ROR1: variants seen among roughly 807,000 people sequenced by gnomAD.
The protein encoded by ROR1 is inactive tyrosine-protein kinase transmembrane receptor ROR1.
Under a neutral mutation model 78.8 loss-of-function variants are expected in ROR1, and 19 were observed. The ratio of observed to expected loss-of-function variants is 0.24; its 90% CI spans 0.17 to 0.35. The LOEUF is 0.35. ROR1 is among the 10% of genes least tolerant of loss of function. ROR1 has a pLI of 1.00. For synonymous variants in ROR1, 386 were observed against 433.6 expected, an observed-to-expected ratio of 0.89 and a Z score of 1.36; for missense variants, 917 against 1,177.8, an observed-to-expected ratio of 0.78 and a Z score of 3.24.
chr1:63,793,697 C>T (rs941236142), intron 1 of ROR1, among the ~76,000 whole-genome samples: 1 of 152,168 alleles, frequency 6.6e-6, no homozygotes. Context: ...CTCCCAGGAC[C>T]TCCAGAAAGA....
At chr1:64,062,210 G>T (rs1343908791) in intron 4 of ROR1, among the ~76,000 whole-genome samples, 4 of 152,212 alleles carry the variant, frequency 2.6e-5, no homozygotes, top group African/African-American at 9.6e-5. Flanking sequence ...GTGACTGCCT[G>T]TGTTTTGAAT....
At chr1:63,973,002 G>A (rs1338496597) in intron 1 of ROR1, among the ~76,000 whole-genome samples, 2 of 152,210 alleles carry the variant, frequency 1.3e-5, no homozygotes, top group African/African-American at 4.8e-5. Context: ...TGGTGCCCAC[G>A]CTTCTGAGGC....
intron 1 of ROR1, among the ~76,000 whole-genome samples, chr1:63,865,013 C>T (rs767398572): frequency 1.3e-5 from 2 of 151,972 alleles, no homozygotes; most frequent in Non-Finnish European, 2.9e-5. Flanking sequence ...CTTTCAAACC[C>T]CTGTAAAGAA....
chr1:63,931,110 C>G (rs1645749331), intron 1 of ROR1, among the ~76,000 whole-genome samples: 1 of 152,098 alleles, frequency 6.6e-6, no homozygotes, highest in Non-Finnish European at 1.5e-5. Flanking sequence ...AGCAAAACCC[C>G]ATCTCCACTA....
At chr1:63,951,601 T>C (rs1349532152) in intron 1 of ROR1, among the ~76,000 whole-genome samples, 1 of 152,104 alleles carries the variant, frequency 6.6e-6, no homozygotes, top group East Asian at 1.9e-4. Context: ...TGTGGGAGGA[T>C]TTCCCAGGGA....
chr1:63,816,116 C>G (rs991575530), intron 1 of ROR1, among the ~76,000 whole-genome samples: 20 of 152,220 alleles, frequency 1.3e-4, no homozygotes, highest in African/African-American at 4.3e-4. Context: ...GGCCGCTAGA[C>G]AGTCTTCCCA....
Position 64,178,798 on chromosome 1 carries a change from A to G in ROR1, c.2757A>G (p.Leu919=). 1 of 1,614,204 alleles carries G rather than the reference A, an allele frequency of 6.2e-7. No individual in the cohort carries two copies. Among genetic ancestry groups the G allele is most frequent in the Non-Finnish European group, 8.5e-7 (1 of 1,180,038 alleles). The change falls in exon 9 of 9, where the codon TTA becomes TTG. Residue 919 remains leucine, a synonymous_variant. Coordinates refer to ENST00000371079, the MANE Select transcript of ROR1 (RefSeq NM_005012.4). The surrounding 1 kb of genome is among the most constrained non-coding windows in gnomAD (Gnocchi z 4.3). ...PYKIDSKQAS[L]LGDANIHGHT... Reference sequence around the variant, plus strand: ...AAATTGACTCAAAGCAAGCATCTTTACTAGGAGACGCCAATATTCATGGAC... The same window carrying G: ...AAATTGACTCAAAGCAAGCATCTTTGCTAGGAGACGCCAATATTCATGGAC...
intron 4 of ROR1, among the ~76,000 whole-genome samples, chr1:64,091,290 A>G (rs1055768230): frequency 6.6e-6 from 1 of 152,178 alleles, no homozygotes; most frequent in African/African-American, 2.4e-5. Flanking sequence ...GTAGAAATAC[A>G]GATTGTGCCC....
At chr1:63,896,125 C>T (rs1645437460) in intron 1 of ROR1, among the ~76,000 whole-genome samples, 2 of 152,134 alleles carry the variant, frequency 1.3e-5, no homozygotes, top group African/African-American at 2.4e-5. Context: ...AAAAAAGCCA[C>T]TCCCATCATT....
At chr1:64,151,114 T>G (rs183190901) in intron 7 of ROR1, among the ~76,000 whole-genome samples, 1 of 152,312 alleles carries the variant, frequency 6.6e-6, no homozygotes, top group Non-Finnish European at 1.5e-5. Flanking sequence ...AATGTTATAA[T>G]GTAATTATTT....
chr1:63,883,822 T>A (rs575240823), intron 1 of ROR1, among the ~76,000 whole-genome samples: 1 of 152,282 alleles, frequency 6.6e-6, no homozygotes, highest in East Asian at 1.9e-4. Context: ...CACCTTCCCC[T>A]GCCCCTAGGA....
intron 1 of ROR1, among the ~76,000 whole-genome samples, chr1:63,826,711 T>G (rs1644955700): frequency 6.6e-6 from 1 of 151,894 alleles, no homozygotes; most frequent in South Asian, 2.1e-4. Context: ...CTCCCACCAA[T>G]GGTACATTGT....
At chr1:64,160,488 C>A (rs1035481009) in intron 8 of ROR1, among the ~76,000 whole-genome samples, 5 of 151,584 alleles carry the variant, frequency 3.3e-5, no homozygotes, top group Non-Finnish European at 5.9e-5. Context: ...AAAAAAAAAA[C>A]CCTACAAATC....
At chr1:63,796,965 G>A (rs1644765275) in intron 1 of ROR1, among the ~76,000 whole-genome samples, 1 of 152,178 alleles carries the variant, frequency 6.6e-6, no homozygotes, top group South Asian at 2.1e-4. Flanking sequence ...AAAGTGCTTT[G>A]ATGAATTGAA....
At position 63,786,048 on chromosome 1, in the gene ROR1, G is replaced by A. The variant is rs556073113; in HGVS notation, c.91+11540G>A. ...ATGTCCTTTTTCCCCACTGAGGAAG[G>A]GGGGAGCTGAACTGAGCATGTCCAG... On this transcript the variant is annotated intron_variant, in intron 1 of 8. Coordinates refer to ENST00000371079, the MANE Select transcript of ROR1 (RefSeq NM_005012.4). 9.9e-5 allele frequency among the ~76,000 whole-genome samples: 15 copies of A among 151,808 alleles called. No homozygotes were observed. The South Asian group carries it at 2.3e-3, about 23-fold the overall frequency.
At chr1:63,970,648 A>G (rs1171892969) in intron 1 of ROR1, among the ~76,000 whole-genome samples, 1 of 152,246 alleles carries the variant, frequency 6.6e-6, no homozygotes, top group Admixed American at 6.5e-5. Flanking sequence ...TAAGATTCTG[A>G]TTAGAAAGGA....
At chr1:64,166,698 C>T (rs1011698798) in intron 8 of ROR1, among the ~76,000 whole-genome samples, 1 of 152,146 alleles carries the variant, frequency 6.6e-6, no homozygotes, top group Non-Finnish European at 1.5e-5. Context: ...AAGAGAATCC[C>T]AGCAAAGATT....
chr1:63,865,478 T>C (rs1396280454), intron 1 of ROR1, among the ~76,000 whole-genome samples: 2 of 152,220 alleles, frequency 1.3e-5, no homozygotes, highest in African/African-American at 4.8e-5. Context: ...CGACACAGGC[T>C]TAAGTTCAAG....
At chr1:63,915,788 C>CG (rs1381654807) in intron 1 of ROR1, among the ~76,000 whole-genome samples, 3 of 151,896 alleles carry the variant, frequency 2.0e-5, no homozygotes, top group Non-Finnish European at 2.9e-5. Flanking sequence ...CATGTGAAGC[C>CG]GGGGGGGTGT....
Sources: gnomAD v4.1 joint callset for allele counts (sites outside exome capture counted in the v4.1 genomes callset) on GRCh38, gnomAD v4.1.1 for gene constraint, Gnocchi (gnomAD v3.1) non-coding constraint, MANE v1.5 for transcripts, NCBI Gene and HGNC (gene_info 2026-07-23, HGNC 2026-07-21) for gene names.